The following KRT13 variants were observed in gnomAD, a reference collection of about 807,000 sequenced individuals.
KRT13 encodes the protein keratin 13.
In KRT13, 27 loss-of-function variants were observed where a neutral mutation model predicts 40.6. That is an observed-to-expected ratio of 0.67 (90% CI 0.49 to 0.92). KRT13 has a LOEUF of 0.92. Ranked by LOEUF, KRT13 falls within the 40% of genes least tolerant of loss-of-function variation. The pLI, the probability that KRT13 is intolerant of heterozygous loss-of-function variation, is 0.00. For missense variants in KRT13, 605 were observed against 611.5 expected (o/e 0.99, Z 0.11); for synonymous variants, 266 against 240.3 (o/e 1.11, Z -0.99).
At chr17:41,501,562 CAGTG>C in intron 7 of KRT13, 153 bp downstream of exon 7, 1 of 1,326,044 alleles carries the variant, frequency 7.5e-7, no homozygotes, top group Non-Finnish European at 1.0e-6. Flanking sequence ...AAAGGAAAAT[CAGTG>C]AGCGAATGAC....
At position 41,505,379 on chromosome 17, in the gene KRT13, C is replaced by T. The variant is rs777603079; in HGVS notation, c.172G>A (p.Gly58Ser). The change falls in exon 1 of 8, where the codon GGT becomes AGT. Residue 58 changes from glycine (G) to serine (S), a missense_variant. Gly to Ser is a moderately conservative substitution (Grantham distance 56). Coordinates refer to ENST00000246635, the MANE Select transcript of KRT13 (RefSeq NM_153490.3). ...GVSCGFGGGA[G>S]SGFGGGYGGG... ...CCATAGCCACCTCCAAAGCCACTACCAGCCCCTCCACCAAAACCACAGCTC... is the reference window on the plus strand; with the variant it reads ...CCATAGCCACCTCCAAAGCCACTACTAGCCCCTCCACCAAAACCACAGCTC... The T allele has an allele frequency of 4.3e-6, 7 of 1,613,742 alleles. No homozygotes were observed. In the South Asian group the frequency reaches 7.7e-5, roughly 18 times the overall value.
In KRT13 at chr17:41,501,424, G is replaced by GCC. The variant is rs540960561; in HGVS notation, c.1271-64_1271-63dup. On this transcript the variant is annotated intron_variant, in intron 7 of 7. Coordinates refer to ENST00000246635, the MANE Select transcript of KRT13 (RefSeq NM_153490.3). Reference sequence around the variant, plus strand: ...AAGACCCACCTCAGGACAGGGCAGGGCCCCCCTGGAGGGCTCACAAACTCC... The same window carrying GCC: ...AAGACCCACCTCAGGACAGGGCAGGGCCCCCCCCTGGAGGGCTCACAAACTCC... 4 of 1,380,242 alleles carry GCC rather than the reference G, an allele frequency of 2.9e-6. No individual in the cohort carries two copies. In the East Asian group the frequency reaches 1.0e-4, roughly 35 times the overall value. The allele number at this position is 1,380,242 out of a possible 1,614,324, so 85.5% of individuals were successfully genotyped here. A position where few individuals can be genotyped will look rare whatever the true frequency, so the allele number is the denominator to read the frequency against.
rs1904835768 is a variant in KRT13 at position 41,501,239 on chromosome 17, G to A, written c.*17C>T. 6.6e-7 allele frequency: 1 copy of A among 1,525,498 alleles called. No homozygotes were observed. The highest frequency in any genetic ancestry group is 2.4e-5 in the East Asian group (1 of 41,188). The allele number at this position is 1,525,498 out of a possible 1,614,324, so 94.5% of individuals were successfully genotyped here. A position where few individuals can be genotyped will look rare whatever the true frequency, so the allele number is the denominator to read the frequency against. Reference sequence around the variant, plus strand: ...CCTCTGGGTGCTGAAGACAGAGGGAGGGGACGCCAGGCAGATTTAAGGCCT... The same window carrying A: ...CCTCTGGGTGCTGAAGACAGAGGGAAGGGACGCCAGGCAGATTTAAGGCCT... On this transcript the variant is annotated 3_prime_UTR_variant, in exon 8 of 8. Transcript: ENST00000246635.
At chr17:41,503,595 C>G (rs1413397155) in intron 2 of KRT13, 48 bp downstream of exon 2, 7 of 1,582,808 alleles carry the variant, frequency 4.4e-6, no homozygotes, top group Non-Finnish European at 6.1e-6. Flanking sequence ...TTTGTCTAAA[C>G]TAAGAGACTC....
In KRT13 at chr17:41,502,674, G is replaced by A. The variant is rs753925971; in HGVS notation, c.1023+13C>T. The A allele has an allele frequency of 4.3e-6, 7 of 1,613,568 alleles. No individual in the cohort carries two copies. The African/African-American group carries it at 6.7e-5, about 15-fold the overall frequency. On this transcript the variant is annotated intron_variant, in intron 5 of 7. Transcript: ENST00000246635. ...AGAGGTGGTCGCCACCGGGCAGGAG[G>A]CTGCAGGCATACCATGCTCAGCTGG...
At position 41,501,052 on chromosome 17, in the gene KRT13, G is replaced by A; in HGVS notation, c.*204C>T. The A allele has an allele frequency of 2.0e-6, 1 of 494,774 alleles. No individual in the cohort carries two copies. Among genetic ancestry groups the A allele is most frequent in the Non-Finnish European group, 3.7e-6 (1 of 268,062 alleles). 30.6% of individuals were successfully genotyped at this position (494,774 alleles called of 1,614,324 possible). A position where few individuals can be genotyped will look rare whatever the true frequency, so the allele number is the denominator to read the frequency against. On this transcript the variant is annotated 3_prime_UTR_variant, in exon 8 of 8. Coordinates refer to ENST00000246635, the MANE Select transcript of KRT13 (RefSeq NM_153490.3). ...GGGGTAGAGAAGTTGAGAAACCAAA[G>A]CGTATCCAGGTCAGAGAGGAGAGAG...
Position 41,503,168 on chromosome 17 carries a change from G to A in KRT13, c.736-70C>T, listed in dbSNP as rs896850444. The A allele has an allele frequency of 2.1e-5, 33 of 1,605,002 alleles. No individual in the cohort carries two copies. In the Middle Eastern group the frequency reaches 1.3e-3, roughly 65 times the overall value. On this transcript the variant is annotated intron_variant, in intron 3 of 7. Transcript: ENST00000246635. ...CTCTCCTTGGCTCTGAGTGCTGGCA[G>A]AGTGTTCTGGAGAGTGTTTCCAGGT... is the stretch of plus-strand genomic sequence containing the variant.
In KRT13 at chr17:41,505,310, A is replaced by C. The variant is rs1567714724; in HGVS notation, c.241T>G (p.Phe81Val). 1.2e-6 allele frequency: 2 copies of C among 1,613,806 alleles called. No homozygotes were observed. Among genetic ancestry groups the C allele is most frequent in the African/African-American group, 2.7e-5 (2 of 74,980 alleles). The stretch of plus-strand genomic sequence containing the variant: ...AAGCCACCAGCAAAACCCCCACCAA[A>C]GCCACCTCCAAGGCCACCTCCATAG... ...GGYGGGLGGG[F>V]GGGFAGGFVD... Residue 81 changes from phenylalanine (F) to valine (V), a missense_variant, in exon 1 of 8, where the codon TTT becomes GTT. Coordinates refer to ENST00000246635, the MANE Select transcript of KRT13 (RefSeq NM_153490.3).
intron 3 of KRT13, 37 bp downstream of exon 3, chr17:41,503,250 G>A (rs779856764): frequency 6.2e-7 from 1 of 1,613,054 alleles, no homozygotes; most frequent in Non-Finnish European, 8.5e-7. Flanking sequence ...CTCACTGGAG[G>A]TTGTTGAGCC....
intron 1 of KRT13, chr17:41,504,355 C>T (rs994126304): frequency 1.3e-5 from 2 of 158,104 alleles, no homozygotes; most frequent in Non-Finnish European, 1.4e-5. Flanking sequence ...CCACATATCT[C>T]ACAATCACTT....
intron 1 of KRT13, 30 bp from the exon 2 acceptor site, chr17:41,503,755 GGGCATGGGT>G: frequency 6.4e-7 from 1 of 1,572,188 alleles, no homozygotes; most frequent in Non-Finnish European, 8.8e-7. Flanking sequence ...GTAACCTCTA[GGGCATGGGT>G]GTCCAGTCTG....
Position 41,505,515 on chromosome 17 carries a change from A to G in KRT13, c.36T>C (p.Tyr12=), listed in dbSNP as rs750215998. The G allele has an allele frequency of 3.1e-6, 5 of 1,614,252 alleles. No individual in the cohort carries two copies. Among genetic ancestry groups the G allele is most frequent in the South Asian group, 2.2e-5 (2 of 91,084 alleles). Residue 12 remains tyrosine, a synonymous_variant, in exon 1 of 8, where the codon TAT becomes TAC. Transcript: ENST00000246635. ...SLRLQSSSAS[Y]GGGFGGGSCQ... is the part of the protein sequence containing the mutation. ...AAGAGCCACCCCCGAAACCACCTCC[A>G]TAGCTGGCAGAGGAGCTCTGCAGGC... is the stretch of plus-strand genomic sequence containing the variant.
In KRT13 at chr17:41,505,454, A is replaced by C; in HGVS notation, c.97T>G (p.Ser33Ala). Reference protein sequence around the residue: ...LGGGRGVSTCSTRFVSGGSAG... With the variant: ...LGGGRGVSTCATRFVSGGSAG... ...GATCCCCCGGACACAAACCGAGTTG[A>C]ACAGGTAGAGACACCACGGCCTCCT... The change falls in exon 1 of 8, where the codon TCA becomes GCA. Residue 33 changes from serine (S) to alanine (A), a missense_variant. Coordinates refer to ENST00000246635, the MANE Select transcript of KRT13 (RefSeq NM_153490.3). 1 of 1,614,016 alleles carries C rather than the reference A, an allele frequency of 6.2e-7. No homozygotes were observed.
intron 6 of KRT13, 158 bp from the exon 7 acceptor site, chr17:41,501,902 G>T: frequency 6.6e-7 from 1 of 1,515,532 alleles, no homozygotes; most frequent in Non-Finnish European, 8.9e-7. Context: ...AGCAGCATCA[G>T]GTGCCCACTG....
At chr17:41,501,412 G>A in intron 7 of KRT13, 50 bp from the exon 8 acceptor site, 2 of 1,427,142 alleles carry the variant, frequency 1.4e-6, no homozygotes, top group Non-Finnish European at 1.9e-6. Flanking sequence ...ACCCACCTCA[G>A]GACAGGGCAG....
At chr17:41,503,224 G>A (rs972227627) in intron 3 of KRT13, 63 bp downstream of exon 3, 7 of 1,607,860 alleles carry the variant, frequency 4.4e-6, no homozygotes, top group African/African-American at 4.0e-5. Context: ...CCAGTTGCAG[G>A]GGAGGGCTCC....
At chr17:41,502,261 C>G (rs1311122075) in intron 6 of KRT13, 113 bp downstream of exon 6, 1 of 1,607,134 alleles carries the variant, frequency 6.2e-7, no homozygotes, top group Non-Finnish European at 8.5e-7. Flanking sequence ...TAAAGTCAGA[C>G]AGTGAGGGGT....
In KRT13 at chr17:41,502,097, T is replaced by C; in HGVS notation, c.1244+277A>G. On this transcript the variant is annotated intron_variant, in intron 6 of 7. Transcript: ENST00000246635. ...TCTAAAGGCAGTTAAAGCACCATAG[T>C]AATAGCTTTGTTCAGCTGAGCTGTA... 6.3e-6 allele frequency: 9 copies of C among 1,422,006 alleles called. No individual in the cohort carries two copies. In the South Asian group the frequency reaches 7.5e-5, roughly 12 times the overall value. The allele number at this position is 1,422,006 out of a possible 1,614,324, so 88.1% of individuals were successfully genotyped here. A position where few individuals can be genotyped will look rare whatever the true frequency, so the allele number is the denominator to read the frequency against.
Position 41,501,109 on chromosome 17 carries a change from C to T in KRT13, c.*147G>A. The T allele has an allele frequency of 9.5e-6, 6 of 634,654 alleles. No individual in the cohort carries two copies. The highest frequency in any genetic ancestry group is 1.6e-5 in the South Asian group (1 of 61,552). 39.3% of individuals were successfully genotyped at this position (634,654 alleles called of 1,614,324 possible). A position where few individuals can be genotyped will look rare whatever the true frequency, so the allele number is the denominator to read the frequency against. ...CCGGAAGAGAAGAGCACAGAGGGCC[C>T]ACCATCAGGAGAGAGTCAGGACAGG... is the stretch of plus-strand genomic sequence containing the variant. On this transcript the variant is annotated 3_prime_UTR_variant, in exon 8 of 8. Transcript: ENST00000246635.
Sources: gnomAD v4.1 joint callset for allele counts on GRCh38, gnomAD v4.1.1 for gene constraint, MANE v1.5 for transcripts, NCBI Gene and HGNC (gene_info 2026-07-23, HGNC 2026-07-21) for gene names.